RANBP17: variants seen among roughly 807,000 people sequenced by gnomAD.
The protein encoded by RANBP17 is RAN binding protein 17.
A neutral mutation model predicts 141.2 loss-of-function variants in RANBP17; 158 were observed. The observed-to-expected ratio is 1.12, with a 90% CI of 0.98 to 1.28. The LOEUF (loss-of-function observed/expected upper bound fraction) is 1.28, where lower values mean the gene tolerates loss of function less well. Ranked by LOEUF, RANBP17 falls within the 50% of genes most tolerant of loss-of-function variation. The pLI, the probability that RANBP17 is intolerant of heterozygous loss-of-function variation, is 0.00. For synonymous variants in RANBP17, 430 were observed against 450.0 expected (o/e 0.96, Z 0.56); for missense variants, 1,438 against 1,290.7 (o/e 1.11, Z -1.75).
intron 25 of RANBP17, among the ~76,000 whole-genome samples, chr5:171,277,637 G>GTGTGTGTATATATATATATATATA (rs1437482589): frequency 3.5e-5 from 2 of 56,920 alleles, no homozygotes; most frequent in South Asian, 1.3e-3. Flanking sequence ...ATATATGTAT[G>GTGTGTGTATATATATATATATATA]TATATATATA....
intron 18 of RANBP17, among the ~76,000 whole-genome samples, chr5:171,191,471 G>A (rs1037676191): frequency 3.3e-5 from 5 of 152,034 alleles, no homozygotes; most frequent in African/African-American, 4.8e-5. Flanking sequence ...GGCGGATCAC[G>A]AGGTAGGAGA....
At chr5:170,890,381 C>G (rs1296662490) in intron 3 of RANBP17, among the ~76,000 whole-genome samples, 1 of 152,046 alleles carries the variant, frequency 6.6e-6, no homozygotes, top group East Asian at 1.9e-4. Flanking sequence ...TGTCCTAATG[C>G]TAAGGAAATT....
chr5:170,973,881 AG>A (rs961925041), intron 14 of RANBP17, among the ~76,000 whole-genome samples: 30 of 152,198 alleles, frequency 2.0e-4, no homozygotes, highest in African/African-American at 6.3e-4. Context: ...ACCACTTATG[AG>A]GACACTAGTC....
chr5:171,205,654 A>AGG, intron 20 of RANBP17, 42 bp downstream of exon 20: 1 of 1,477,996 alleles, frequency 6.8e-7, no homozygotes, highest in Non-Finnish European at 9.5e-7. Flanking sequence ...CTGTGCACAG[A>AGG]GGGATGCCAG....
At chr5:171,289,277 C>T (rs1768342264) in intron 25 of RANBP17, among the ~76,000 whole-genome samples, 1 of 152,150 alleles carries the variant, frequency 6.6e-6, no homozygotes, top group Admixed American at 6.5e-5. Context: ...GCCTTTGCTC[C>T]TATTTCTCCA....
chr5:171,085,445 G>A (rs1785582952), intron 14 of RANBP17, among the ~76,000 whole-genome samples: 1 of 67,526 alleles, frequency 1.5e-5, no homozygotes. Context: ...TGGCAATGCA[G>A]GCTCTTTTTT....
At chr5:170,977,640 A>C (rs994101709) in intron 14 of RANBP17, among the ~76,000 whole-genome samples, 1 of 152,094 alleles carries the variant, frequency 6.6e-6, no homozygotes, top group African/African-American at 2.4e-5. Flanking sequence ...GTATTTCCCC[A>C]AGTGGAATGT....
chr5:170,981,648 T>C (rs567247126), intron 14 of RANBP17, among the ~76,000 whole-genome samples: 2 of 151,992 alleles, frequency 1.3e-5, no homozygotes, highest in East Asian at 3.9e-4. Flanking sequence ...TCCCCAGACA[T>C]GTGAAACTGT....
intron 13 of RANBP17, 74 bp downstream of exon 13, chr5:170,953,776 G>A (rs919094356): frequency 1.1e-6 from 1 of 941,132 alleles, no homozygotes; most frequent in East Asian, 2.6e-5. Context: ...CTAGTATTAT[G>A]AGTGAAGACA....
At chr5:170,954,070 T>A (rs1038665786) in intron 13 of RANBP17, among the ~76,000 whole-genome samples, 1 of 152,176 alleles carries the variant, frequency 6.6e-6, no homozygotes, top group Non-Finnish European at 1.5e-5. Context: ...ATCGCAGGTT[T>A]TGTCACCTAT....
chr5:171,238,825 C>G (rs1319768421), intron 22 of RANBP17, among the ~76,000 whole-genome samples: 1 of 152,184 alleles, frequency 6.6e-6, no homozygotes, highest in African/African-American at 2.4e-5. Context: ...CTTCAATTAT[C>G]CTTCAAACTT....
At chr5:171,030,965 T>C (rs556699234) in intron 14 of RANBP17, among the ~76,000 whole-genome samples, 22 of 152,164 alleles carry the variant, frequency 1.4e-4, no homozygotes, top group South Asian at 2.1e-4. Context: ...TTTATCCTTC[T>C]TGTATGTTTT....
intron 19 of RANBP17, 102 bp downstream of exon 19, chr5:171,199,875 C>A: frequency 1.8e-6 from 1 of 566,534 alleles, no homozygotes. Context: ...TTTGCCTCCT[C>A]AGACCTGCTT....
chr5:171,044,995 A>T (rs1175521972), intron 14 of RANBP17, among the ~76,000 whole-genome samples: 1 of 152,048 alleles, frequency 6.6e-6, no homozygotes, highest in Non-Finnish European at 1.5e-5. Context: ...AAATGCTTGT[A>T]AAGTGAATTA....
At chr5:171,086,576 G>A (rs1252371482) in intron 14 of RANBP17, among the ~76,000 whole-genome samples, 2 of 139,688 alleles carry the variant, frequency 1.4e-5, no homozygotes, top group East Asian at 2.3e-4. Flanking sequence ...GAATTCGGCT[G>A]TGAATCCATC....
Position 170,916,519 on chromosome 5 carries a change from C to G in RANBP17, c.889C>G (p.Pro297Ala). 1.3e-6 allele frequency: 2 copies of G among 1,588,828 alleles called. No homozygotes were observed. ...GACAAGAAGGTCCTTATTTAACAGTCCTGAACGTGCCAAGTACCTTGGTAA... is the reference window on the plus strand; with the variant it reads ...GACAAGAAGGTCCTTATTTAACAGTGCTGAACGTGCCAAGTACCTTGGTAA... Reference protein sequence around the residue: ...ASTRRSLFNSPERAKYLGNLI... With the variant: ...ASTRRSLFNSAERAKYLGNLI... Residue 297 changes from proline (P) to alanine (A), a missense_variant, in exon 9 of 28, where the codon CCT becomes GCT. Physicochemically the swap from Pro to Ala is conservative, Grantham distance 27. Transcript: ENST00000523189.
intron 13 of RANBP17, among the ~76,000 whole-genome samples, chr5:170,965,172 G>A (rs1239448147): frequency 6.6e-6 from 1 of 151,968 alleles, no homozygotes; most frequent in African/African-American, 2.4e-5. Flanking sequence ...TTTTTCATGT[G>A]TCTTTTGGCT....
At chr5:171,277,044 T>A (rs1411354108) in intron 25 of RANBP17, among the ~76,000 whole-genome samples, 1 of 151,310 alleles carries the variant, frequency 6.6e-6, no homozygotes, top group African/African-American at 2.4e-5. Flanking sequence ...TTTTATCTGT[T>A]GACATTCAGT....
At chr5:171,158,211 C>T (rs940310629) in intron 14 of RANBP17, 2 of 172,562 alleles carry the variant, frequency 1.2e-5, no homozygotes, top group Non-Finnish European at 2.5e-5. Context: ...ATTTTTTCAA[C>T]ATTTTAAATT....
Sources: allele counts gnomAD v4.1 joint callset (sites outside exome capture counted in the v4.1 genomes callset), GRCh38; gene constraint gnomAD v4.1.1; transcripts MANE v1.5; gene names NCBI Gene and HGNC (gene_info 2026-07-23, HGNC 2026-07-21).